Variants in ADAM18 observed in about 807,000 individuals in gnomAD.
ADAM18 encodes the protein disintegrin and metalloproteinase domain-containing protein 18.
In ADAM18, 117 loss-of-function variants were observed where a neutral mutation model predicts 94.4. The ratio of observed to expected loss-of-function variants is 1.24; its 90% confidence interval spans 1.07 to 1.45. The LOEUF (loss-of-function observed/expected upper bound fraction) is 1.45, where lower values mean the gene tolerates loss of function less well. Among genes scored for constraint, ADAM18 ranks in the 40% most tolerant of loss-of-function variants. The probability of loss-of-function intolerance (pLI) is 0.00; values close to 1 mark genes in which losing one functional copy is unlikely to be tolerated. For synonymous variants in ADAM18, 327 were observed against 291.6 expected (o/e 1.12, Z -1.24); for missense variants, 936 against 880.0 (o/e 1.06, Z -0.81).
intron 13 of ADAM18, among the ~76,000 whole-genome samples, chr8:39,666,318 A>G (rs1486602678): frequency 2.0e-5 from 3 of 152,050 alleles, no homozygotes; most frequent in Non-Finnish European, 4.4e-5. Context: ...GGGATTACAG[A>G]TGTTAGCCAC....
chr8:39,707,130 A>ATTAAT (rs1447891666), intron 18 of ADAM18, among the ~76,000 whole-genome samples: 1 of 152,182 alleles, frequency 6.6e-6, no homozygotes, highest in East Asian at 1.9e-4. Flanking sequence ...TATGATAAAG[A>ATTAAT]TCATCAATCA....
Position 39,677,510 on chromosome 8 carries a change from T to C in ADAM18, c.1605T>C (p.Asn535=). The C allele has an allele frequency of 2.5e-6, 4 of 1,609,364 alleles. No homozygotes were observed. Among genetic ancestry groups the C allele is most frequent in the Non-Finnish European group, 3.4e-6 (4 of 1,178,666 alleles). Residue 535 remains asparagine, a synonymous_variant, in exon 15 of 20, where the codon AAT becomes AAC. Coordinates refer to ENST00000265707, the MANE Select transcript of ADAM18 (RefSeq NM_014237.3). ...GATCTGAAAACTGTGGTTTTAAAAA[T>C]TCACAACCATTACCTTGTGAACGGA... ...HERSENCGFK[N]SQPLPCERKD... is the part of the protein sequence containing the mutation.
Position 39,697,579 on chromosome 8 carries a change from T to G in ADAM18, c.1902+4899T>G, listed in dbSNP as rs182541082. Among the ~76,000 whole-genome samples the G allele has an allele frequency of 1.4e-4, 22 of 151,934 alleles. No homozygotes were observed. In the East Asian group the frequency reaches 4.2e-3, roughly 29 times the overall value. ...ACACAATAATTATTGTTTTCTACAG[T>G]CAACATTTATTTATTCTTGCTTAAT... On this transcript the variant is annotated intron_variant, in intron 17 of 19. Transcript: ENST00000265707.
chr8:39,677,438 A>G lies in ADAM18; in HGVS notation c.1533A>G (p.Gln511=), dbSNP rs1488457689. ...QCAKIFGKGA[Q]GAPFACFKEV... is the part of the protein sequence containing the mutation. Reference sequence around the variant, plus strand: ...ACATGTTTGCATTTTAAGGTGCTCAAGGTGCTCCATTTGCCTGTTTTAAAG... The same window carrying G: ...ACATGTTTGCATTTTAAGGTGCTCAGGGTGCTCCATTTGCCTGTTTTAAAG... The change falls in exon 15 of 20, where the codon CAA becomes CAG. Residue 511 remains glutamine, a synonymous_variant. Coordinates refer to ENST00000265707, the MANE Select transcript of ADAM18 (RefSeq NM_014237.3). The G allele has an allele frequency of 6.2e-7, 1 of 1,605,172 alleles. No individual in the cohort carries two copies. The highest frequency in any genetic ancestry group is 8.5e-7 in the Non-Finnish European group (1 of 1,178,068).
chr8:39,611,653 C>T (rs746538253), intron 6 of ADAM18: 3 of 888,358 alleles, frequency 3.4e-6, no homozygotes, highest in Non-Finnish European at 4.0e-6. Context: ...AAAAGTTGGA[C>T]AAACTGCACA....
intron 6 of ADAM18, among the ~76,000 whole-genome samples, chr8:39,626,347 A>G (rs2129578938): frequency 1.3e-5 from 2 of 151,996 alleles, no homozygotes; most frequent in Middle Eastern, 6.8e-3. Context: ...TAATCTTTTC[A>G]AAGAACCAAG....
chr8:39,667,676 C>G (rs955661829), intron 13 of ADAM18, among the ~76,000 whole-genome samples: 3 of 152,146 alleles, frequency 2.0e-5, no homozygotes, highest in African/African-American at 7.2e-5. Flanking sequence ...AAGGTAGAGA[C>G]AGTGTTCCTA....
intron 6 of ADAM18, among the ~76,000 whole-genome samples, chr8:39,620,514 C>T (rs1292253893): frequency 6.8e-6 from 1 of 147,396 alleles, no homozygotes; most frequent in Non-Finnish European, 1.5e-5. Flanking sequence ...AACATACTTT[C>T]TCAAAAGAAC....
intron 17 of ADAM18, among the ~76,000 whole-genome samples, chr8:39,706,442 A>T (rs2129581309): frequency 6.6e-6 from 1 of 152,278 alleles, no homozygotes; most frequent in Admixed American, 6.5e-5. Flanking sequence ...GTGACAACGA[A>T]TGTTTCCAAA....
chr8:39,709,298 T>C (rs1453952850), intron 18 of ADAM18, among the ~76,000 whole-genome samples: 3 of 152,148 alleles, frequency 2.0e-5, no homozygotes, highest in African/African-American at 7.2e-5. Context: ...AAGCTGTCCT[T>C]CTGAAATCAA....
At chr8:39,605,769 CT>C in intron 2 of ADAM18, 1 of 205,068 alleles carries the variant, frequency 4.9e-6, no homozygotes, top group Non-Finnish European at 1.0e-5. Context: ...TGAGTAAGTT[CT>C]TTAGTGGTGA....
At chr8:39,711,261 A>G (rs931287885) in intron 18 of ADAM18, among the ~76,000 whole-genome samples, 1 of 152,184 alleles carries the variant, frequency 6.6e-6, no homozygotes, top group Non-Finnish European at 1.5e-5. Flanking sequence ...AAAAATCAAG[A>G]AACTGGCAAA....
rs1366869732 is a variant in ADAM18 at position 39,592,325 on chromosome 8, C to T, written c.132+6973C>T. Among the ~76,000 whole-genome samples, 3 of 152,056 alleles carry T rather than the reference C, an allele frequency of 2.0e-5. No homozygotes were observed. In the East Asian group the frequency reaches 5.8e-4, roughly 29 times the overall value. On this transcript the variant is annotated intron_variant, in intron 2 of 19. Coordinates refer to ENST00000265707, the MANE Select transcript of ADAM18 (RefSeq NM_014237.3). ...ACCCAGCAATTTCACTAACTGGTAT[C>T]TAAATACCCATTTTACATTGATAAA...
intron 6 of ADAM18, among the ~76,000 whole-genome samples, chr8:39,612,442 G>A (rs907766907): frequency 7.2e-5 from 11 of 152,144 alleles, no homozygotes; most frequent in African/African-American, 2.7e-4. Flanking sequence ...TCTAGCTGCA[G>A]GAGACCCCAT....
intron 15 of ADAM18, 28 bp from the exon 16 acceptor site, chr8:39,680,009 T>C (rs1821403045): frequency 6.2e-7 from 1 of 1,611,024 alleles, no homozygotes; most frequent in Non-Finnish European, 8.5e-7. Context: ...GATAAACTGA[T>C]AAGGAACTTT....
chr8:39,725,287 A>G (rs1223081691), intron 19 of ADAM18, among the ~76,000 whole-genome samples: 10 of 152,080 alleles, frequency 6.6e-5, no homozygotes. Flanking sequence ...GGCCATAAAT[A>G]TATCACCTCC....
intron 16 of ADAM18, among the ~76,000 whole-genome samples, chr8:39,680,967 C>A (rs970285131): frequency 1.3e-5 from 2 of 152,208 alleles, no homozygotes; most frequent in Non-Finnish European, 2.9e-5. Flanking sequence ...CCTTGAGAAA[C>A]CTCTATGTGG....
At chr8:39,718,079 A>G (rs1033973852) in intron 18 of ADAM18, among the ~76,000 whole-genome samples, 1 of 151,520 alleles carries the variant, frequency 6.6e-6, no homozygotes, top group Non-Finnish European at 1.5e-5. Flanking sequence ...CAACAAATAA[A>G]GGATGTGAAG....
At chr8:39,670,453 A>T (rs1821123248) in intron 14 of ADAM18, among the ~76,000 whole-genome samples, 1 of 152,138 alleles carries the variant, frequency 6.6e-6, no homozygotes, top group Admixed American at 6.5e-5. Context: ...GTGGTATATT[A>T]TATGGGACAT....
Sources: allele counts gnomAD v4.1 joint callset (sites outside exome capture counted in the v4.1 genomes callset), GRCh38; gene constraint gnomAD v4.1.1; transcripts MANE v1.5; gene names NCBI Gene and HGNC (gene_info 2026-07-23, HGNC 2026-07-21).